PARP4: variants seen among roughly 807,000 people sequenced by gnomAD.
The protein encoded by PARP4 is protein mono-ADP-ribosyltransferase PARP4.
Under a neutral mutation model 187.7 loss-of-function variants are expected in PARP4, and 120 were observed. The observed-to-expected ratio is 0.64, with a 90% CI of 0.55 to 0.74. The LOEUF (loss-of-function observed/expected upper bound fraction) is 0.74. Among genes scored for constraint, PARP4 ranks in the 30% least tolerant of loss-of-function variants. The pLI is 0.00. For missense variants in PARP4, 1,836 were observed against 2,070.5 expected, an observed-to-expected ratio of 0.89 and a Z score of 2.20; for synonymous variants, 654 against 740.9, an observed-to-expected ratio of 0.88 and a Z score of 1.90.
intron 12 of PARP4, among the ~76,000 whole-genome samples, chr13:24,481,812 T>C (rs1873295283): frequency 6.6e-6 from 1 of 152,202 alleles, no homozygotes; most frequent in African/African-American, 2.4e-5. Context: ...GCTATGGCTA[T>C]GGTTGCATCT....
chr13:24,496,903 A>T (rs1868989082), intron 6 of PARP4, among the ~76,000 whole-genome samples: 1 of 152,170 alleles, frequency 6.6e-6, no homozygotes, highest in African/African-American at 2.4e-5. Context: ...CATGCCTGTA[A>T]TCCCAGCTAC....
At chr13:24,433,201 C>T (rs1367320064) in intron 31 of PARP4, among the ~76,000 whole-genome samples, 2 of 152,134 alleles carry the variant, frequency 1.3e-5, no homozygotes, top group East Asian at 1.9e-4. Flanking sequence ...CATATAAATG[C>T]TAAACCATCG....
chr13:24,477,216 A>T (rs1206456825), intron 14 of PARP4, among the ~76,000 whole-genome samples: 1 of 152,214 alleles, frequency 6.6e-6, no homozygotes, highest in Non-Finnish European at 1.5e-5. Flanking sequence ...ATGGTGGCTC[A>T]TATCTGTAAT....
chr13:24,430,934 T>C (rs1248626926), intron 32 of PARP4, among the ~76,000 whole-genome samples: 1 of 152,228 alleles, frequency 6.6e-6, no homozygotes, highest in African/African-American at 2.4e-5. Flanking sequence ...AGCAGGGGGA[T>C]GATGCCAGGG....
At chr13:24,462,479 C>T (rs929777776) in intron 17 of PARP4, among the ~76,000 whole-genome samples, 4 of 152,200 alleles carry the variant, frequency 2.6e-5, no homozygotes, top group African/African-American at 9.6e-5. Context: ...TTCAGTCTCT[C>T]TTCTTCTTTT....
At chr13:24,446,586 G>A (rs1489392230) in intron 27 of PARP4, 95 bp downstream of exon 27, 10 of 813,474 alleles carry the variant, frequency 1.2e-5, no homozygotes, top group East Asian at 1.0e-4. Flanking sequence ...GCCCTGGGCC[G>A]TGGGTTGGAC....
intron 4 of PARP4, 121 bp from the exon 5 acceptor site, chr13:24,499,497 A>C (rs1277069985): frequency 5.4e-6 from 4 of 744,502 alleles, no homozygotes; most frequent in Non-Finnish European, 8.2e-6. Flanking sequence ...TACAAAACAC[A>C]TGGTAAGTCC....
chr13:24,429,544 TGG>T (rs2137434559), intron 32 of PARP4, among the ~76,000 whole-genome samples: 1 of 152,362 alleles, frequency 6.6e-6, no homozygotes, highest in African/African-American at 2.4e-5. Context: ...CCCTATGTCC[TGG>T]GGTATAGTCC....
rs1466074976 is a variant in PARP4 at position 24,486,203 on chromosome 13, A to T, written c.1317T>A (p.Gly439=). Residue 439 remains glycine (G), a synonymous_variant, in exon 11 of 34, where the codon GGT becomes GGA. Transcript: ENST00000381989. ...KLGNVRPLLH[G]SPVQNIVGIL... Reference sequence around the variant, plus strand: ...TTCCCACGATGTTTTGTACAGGAGAACCATGCAACAAGGGCCTCACATTAC... The same window carrying T: ...TTCCCACGATGTTTTGTACAGGAGATCCATGCAACAAGGGCCTCACATTAC... The T allele has an allele frequency of 6.2e-7, 1 of 1,613,946 alleles. No individual in the cohort carries two copies. Among genetic ancestry groups the T allele is most frequent in the Non-Finnish European group, 8.5e-7 (1 of 1,179,926 alleles).
intron 33 of PARP4, among the ~76,000 whole-genome samples, chr13:24,422,426 A>C (rs1030922126): frequency 2.6e-5 from 4 of 152,142 alleles, no homozygotes; most frequent in African/African-American, 9.7e-5. Context: ...ACTGCTGAAA[A>C]CAACAAAACT....
At chr13:24,504,230 G>A (rs955675689) in intron 1 of PARP4, among the ~76,000 whole-genome samples, 1 of 150,502 alleles carries the variant, frequency 6.6e-6, no homozygotes, top group African/African-American at 2.4e-5. Context: ...CTGAACAGCT[G>A]ATAATAAAAA....
chr13:24,494,650 G>T lies in PARP4; in HGVS notation c.664C>A (p.Leu222Met). 1 of 1,608,656 alleles carries T rather than the reference G, an allele frequency of 6.2e-7. No homozygotes were observed. Among genetic ancestry groups the T allele is most frequent in the Non-Finnish European group, 8.5e-7 (1 of 1,175,472 alleles). Residue 222 changes from leucine to methionine, a missense_variant, in exon 7 of 34, where the codon CTG becomes ATG. Leu to Met is a conservative substitution (Grantham distance 15). Transcript: ENST00000381989. ...CTTAGTAGAAATCCTTGTTTCTTCA[G>T]TTCTTCAATGTAATTTTCAAAGTAT... ...SEYFENYIEELKKQGFLLREH... is the reference protein window; with the variant it reads ...SEYFENYIEEMKKQGFLLREH...
chr13:24,465,634 G>A (rs1351422733), intron 17 of PARP4, among the ~76,000 whole-genome samples: 1 of 152,158 alleles, frequency 6.6e-6, no homozygotes, highest in African/African-American at 2.4e-5. Flanking sequence ...GGCAGGGAGA[G>A]GGAGAGCATC....
intron 12 of PARP4, among the ~76,000 whole-genome samples, chr13:24,482,656 GT>G (rs35384385): frequency 0.51 from 77,194 of 151,118 alleles, 19,944 homozygotes; most frequent in South Asian, 0.65. Context: ...TATGTACATT[GT>G]TTTTTTTTTA....
At chr13:24,475,021 T>C (rs1372570319) in intron 15 of PARP4, among the ~76,000 whole-genome samples, 1 of 152,156 alleles carries the variant, frequency 6.6e-6, no homozygotes, top group African/African-American at 2.4e-5. Flanking sequence ...GGAATAAGCA[T>C]CCCCTGACGT....
intron 6 of PARP4, among the ~76,000 whole-genome samples, chr13:24,497,519 C>T (rs190047310): frequency 1.8e-4 from 27 of 152,268 alleles, no homozygotes; most frequent in African/African-American, 5.3e-4. Flanking sequence ...ACCCTGCACC[C>T]AGTAAACATT....
Position 24,501,628 on chromosome 13 carries a change from C to T in PARP4, c.334+5G>A. ...TACGTTAAATGCTTGCTATGAAATACCTACCAGAACTGCTCGCCTTCTGAT... is the reference window on the plus strand; with the variant it reads ...TACGTTAAATGCTTGCTATGAAATATCTACCAGAACTGCTCGCCTTCTGAT... On this transcript the variant is annotated splice_donor_5th_base_variant and intron_variant, in intron 3 of 33. Coordinates refer to ENST00000381989, the MANE Select transcript of PARP4 (RefSeq NM_006437.4). The T allele has an allele frequency of 1.9e-6, 3 of 1,603,860 alleles. No homozygotes were observed. Among genetic ancestry groups the T allele is most frequent in the Non-Finnish European group, 2.6e-6 (3 of 1,171,010 alleles).
At chr13:24,502,731 G>A (rs1159201956) in intron 2 of PARP4, among the ~76,000 whole-genome samples, 3 of 152,272 alleles carry the variant, frequency 2.0e-5, no homozygotes, top group Admixed American at 1.3e-4. Flanking sequence ...GACAAACTGA[G>A]AAGGGAGAGC....
intron 12 of PARP4, 151 bp from the exon 13 acceptor site, chr13:24,478,427 A>C: frequency 2.1e-6 from 1 of 480,970 alleles, no homozygotes; most frequent in East Asian, 3.4e-5. Context: ...TTATGCACTT[A>C]TTTATTTAAT....
Sources: allele counts gnomAD v4.1 joint callset (sites outside exome capture counted in the v4.1 genomes callset), GRCh38; gene constraint gnomAD v4.1.1; transcripts MANE v1.5; gene names NCBI Gene and HGNC (gene_info 2026-07-23, HGNC 2026-07-21).